The following DNAAF1 variants were observed in gnomAD, a reference collection of about 807,000 sequenced individuals.
DNAAF1 encodes the protein dynein axonemal assembly factor 1, also known as dynein assembly factor 1, axonemal.
Under a neutral mutation model 71.1 loss-of-function variants are expected in DNAAF1, and 65 were observed. The ratio of observed to expected loss-of-function variants is 0.91; its 90% CI spans 0.75 to 1.12. The LOEUF is 1.12. Among genes scored for constraint, DNAAF1 ranks in the 50% most tolerant of loss-of-function variants. DNAAF1 has a pLI of 0.00. For missense variants in DNAAF1, 1,178 were observed against 899.8 expected, an observed-to-expected ratio of 1.31 and a Z score of -3.96; for synonymous variants, 414 against 354.6, an observed-to-expected ratio of 1.17 and a Z score of -1.88.
intron 8 of DNAAF1, among the ~76,000 whole-genome samples, chr16:84,170,605 A>G (rs1344631323): frequency 6.6e-6 from 1 of 152,212 alleles, no homozygotes; most frequent in Non-Finnish European, 1.5e-5. Flanking sequence ...AGGCCAAGGC[A>G]GAAGGACTGA....
intron 5 of DNAAF1, among the ~76,000 whole-genome samples, chr16:84,156,852 T>TTTC (rs2087458593): frequency 9.1e-5 from 6 of 65,914 alleles, no homozygotes; most frequent in Admixed American, 4.8e-4. Flanking sequence ...TCTTTCTTTC[T>TTTC]TTTTTTTTTT....
rs973444861 is a variant in DNAAF1, at chr16:84,177,709, G to A, written c.2066-20G>A. 6.2e-7 allele frequency: 1 copy of A among 1,605,948 alleles called. No individual in the cohort carries two copies. Among genetic ancestry groups the A allele is most frequent in the African/African-American group, 1.3e-5 (1 of 74,878 alleles). ...GTCACAGTGACAGGGAGAAAGCACA[G>A]GTCACCCTTCCTTCCACAGTGCCGA... On this transcript the variant is annotated intron_variant, in intron 11 of 11. Transcript: ENST00000378553.
chr16:84,145,339 A>G lies in DNAAF1; in HGVS notation c.-102A>G. The G allele has an allele frequency of 6.6e-7, 1 of 1,524,510 alleles. No homozygotes were observed. The highest frequency in any genetic ancestry group is 8.8e-7 in the Non-Finnish European group (1 of 1,135,660). 94.4% of individuals were successfully genotyped at this position (1,524,510 alleles called of 1,614,324 possible). A position where few individuals can be genotyped will look rare whatever the true frequency, so the allele number is the denominator to read the frequency against. On this transcript the variant is annotated 5_prime_UTR_variant, in exon 1 of 12. Transcript: ENST00000378553. ...ACTAGGGCGCCAGCGGCTGGCGAAG[A>G]AGGAAAGAGGGTACTCTCTGGCTGG...
At chr16:84,149,699 A>AAC (rs1444261595) in intron 2 of DNAAF1, among the ~76,000 whole-genome samples, 1 of 151,070 alleles carries the variant, frequency 6.6e-6, no homozygotes, top group African/African-American at 2.4e-5. Flanking sequence ...TCAAAAAAAA[A>AAC]AAAAAAAAAA....
intron 6 of DNAAF1, among the ~76,000 whole-genome samples, chr16:84,165,412 C>G (rs1158057372): frequency 1.3e-5 from 2 of 152,120 alleles, no homozygotes; most frequent in Non-Finnish European, 2.9e-5. Context: ...TCTCGAACTC[C>G]TGGGCTCAAG....
At chr16:84,169,732 CTT>C in intron 7 of DNAAF1, 125 bp from the exon 8 acceptor site, 1 of 1,420,114 alleles carries the variant, frequency 7.0e-7, no homozygotes, top group Non-Finnish European at 9.9e-7. Flanking sequence ...CTTGAGGACA[CTT>C]TTTTAACTGT....
At chr16:84,157,333 G>A (rs1453517999) in intron 5 of DNAAF1, among the ~76,000 whole-genome samples, 1 of 151,764 alleles carries the variant, frequency 6.6e-6, no homozygotes, top group Non-Finnish European at 1.5e-5. Flanking sequence ...GACCAGCCTG[G>A]TCAACATGGC....
chr16:84,150,125 ATAGG>A, intron 2 of DNAAF1, 122 bp from the exon 3 acceptor site: 1 of 694,668 alleles, frequency 1.4e-6, no homozygotes, highest in South Asian at 1.6e-5. Flanking sequence ...CGAACTTAAA[ATAGG>A]TATCAGGGAT....
At chr16:84,160,316 C>T (rs542691210) in intron 6 of DNAAF1, among the ~76,000 whole-genome samples, 1 of 152,282 alleles carries the variant, frequency 6.6e-6, no homozygotes, top group East Asian at 1.9e-4. Flanking sequence ...AATATTCTGT[C>T]AGTGACTTTT....
intron 10 of DNAAF1, chr16:84,175,548 CAAAGA>C (rs2088607289): frequency 3.6e-6 from 1 of 276,428 alleles, no homozygotes; most frequent in South Asian, 3.9e-5. Context: ...AGCTCAGCAG[CAAAGA>C]AAACAGACAC....
rs532117794 is a variant in DNAAF1 at position 84,177,033 on chromosome 16, T to C, written c.2066-696T>C. 1.3e-4 allele frequency: 21 copies of C among 165,776 alleles called. No individual in the cohort carries two copies. In the South Asian group the frequency reaches 3.1e-3, roughly 25 times the overall value. 10.3% of individuals were successfully genotyped at this position (165,776 alleles called of 1,614,324 possible). On this transcript the variant is annotated intron_variant, in intron 11 of 11. Coordinates refer to ENST00000378553, the MANE Select transcript of DNAAF1 (RefSeq NM_178452.6). Reference sequence around the variant, plus strand: ...TCAGGTGCACTCCCAAATTGGGGGCTGTGTGGAGCCCAGACCGTGCTACTC... The same window carrying C: ...TCAGGTGCACTCCCAAATTGGGGGCCGTGTGGAGCCCAGACCGTGCTACTC...
In DNAAF1 at chr16:84,176,016, G is replaced by A. The variant is rs758269653; in HGVS notation, c.1782G>A (p.Val594=). 1.9e-6 allele frequency: 3 copies of A among 1,614,174 alleles called. No individual in the cohort carries two copies. The highest frequency in any genetic ancestry group is 1.6e-4 in the Middle Eastern group (1 of 6,062). ...DPELDYTSLP[V]LENLPTDTLS... ...AACTGGACTACACGTCACTCCCTGT[G>A]CTGGAAAACCTCCCCACAGACACTC... The change falls in exon 11 of 12, where the codon GTG becomes GTA. Residue 594 remains valine (V), a synonymous_variant. Coordinates refer to ENST00000378553, the MANE Select transcript of DNAAF1 (RefSeq NM_178452.6).
chr16:84,159,330 A>G (rs986235283), intron 5 of DNAAF1: 6 of 909,000 alleles, frequency 6.6e-6, no homozygotes, highest in Non-Finnish European at 8.5e-6. Context: ...AATTAGGCAG[A>G]GATTCATTTC....
intron 3 of DNAAF1, among the ~76,000 whole-genome samples, chr16:84,153,713 G>A (rs768240247): frequency 6.6e-5 from 10 of 152,140 alleles, no homozygotes; most frequent in Admixed American, 3.3e-4. Context: ...CATTGATGAC[G>A]AGTTACTAAA....
chr16:84,169,077 CTTTT>C (rs567267370), intron 7 of DNAAF1, among the ~76,000 whole-genome samples: 36 of 71,204 alleles, frequency 5.1e-4, no homozygotes, highest in African/African-American at 4.6e-4. Context: ...CTCAAGGATA[CTTTT>C]TTTTTTTTTT....
intron 6 of DNAAF1, among the ~76,000 whole-genome samples, chr16:84,161,864 T>C (rs1364663737): frequency 6.6e-6 from 1 of 152,140 alleles, no homozygotes; most frequent in Admixed American, 6.6e-5. Flanking sequence ...CATGAGTCTC[T>C]GACATATACT....
At chr16:84,171,278 C>A (rs1297711763) in intron 8 of DNAAF1, among the ~76,000 whole-genome samples, 1 of 152,034 alleles carries the variant, frequency 6.6e-6, no homozygotes, top group African/African-American at 2.4e-5. Context: ...TTCCCCGCAA[C>A]CCCCAAGCCT....
chr16:84,160,514 G>A (rs191108922), intron 6 of DNAAF1, among the ~76,000 whole-genome samples: 4 of 152,238 alleles, frequency 2.6e-5, no homozygotes, highest in South Asian at 2.1e-4. Flanking sequence ...GCTACTTGAC[G>A]AGATGTATAA....
chr16:84,174,340 G>GCAAA, intron 9 of DNAAF1: 1 of 1,255,240 alleles, frequency 8.0e-7, no homozygotes. Flanking sequence ...GTACAGAGGT[G>GCAAA]CATTTGGTTT....
Sources: allele counts gnomAD v4.1 joint callset (sites outside exome capture counted in the v4.1 genomes callset), GRCh38; gene constraint gnomAD v4.1.1; transcripts MANE v1.5; gene names NCBI Gene and HGNC (gene_info 2026-07-23, HGNC 2026-07-21).